Variants in WDFY2 observed in about 807,000 individuals in gnomAD.
WDFY2 encodes WD repeat and FYVE domain containing 2, also known as WD repeat and FYVE domain-containing protein 2.
In WDFY2, 36 loss-of-function variants were observed where a neutral mutation model predicts 56.4. The ratio of observed to expected loss-of-function variants is 0.64; its 90% confidence interval spans 0.49 to 0.84. WDFY2 has a LOEUF of 0.84. WDFY2 is among the 40% of genes least tolerant of loss of function. The probability of loss-of-function intolerance (pLI) is 0.00; values close to 1 mark genes in which losing one functional copy is unlikely to be tolerated. For synonymous variants in WDFY2, 176 were observed against 183.7 expected, an observed-to-expected ratio of 0.96 and a Z score of 0.34; for missense variants, 444 against 512.2, an observed-to-expected ratio of 0.87 and a Z score of 1.29.
intron 1 of WDFY2, among the ~76,000 whole-genome samples, chr13:51,629,293 G>A (rs1443012666): frequency 6.6e-6 from 1 of 152,154 alleles, no homozygotes; most frequent in Non-Finnish European, 1.5e-5. Flanking sequence ...GAATGCAGAT[G>A]GTTACTGGTA....
intron 9 of WDFY2, 27 bp downstream of exon 9, chr13:51,755,486 A>G: frequency 6.3e-7 from 1 of 1,596,862 alleles, no homozygotes. Flanking sequence ...CTTCATCAAA[A>G]TGTAATTATA....
rs1185702959 is a variant in WDFY2, at chr13:51,584,692, C to A, written c.5C>A (p.Ala2Glu). Reference protein sequence around the residue: MAAEIQPKPLTR... With the variant: MEAEIQPKPLTR... ...CCAGGCGCGCCCCCTCCTCCGATGGCGGCGGAGATCCAGCCCAAGCCTCTG... is the reference window on the plus strand; with the variant it reads ...CCAGGCGCGCCCCCTCCTCCGATGGAGGCGGAGATCCAGCCCAAGCCTCTG... Residue 2 changes from alanine (A) to glutamate (E), a missense_variant, in exon 1 of 12, where the codon GCG becomes GAG. By Grantham distance (107) the Ala-to-Glu change is moderately radical. Transcript: ENST00000298125. The A allele has an allele frequency of 1.9e-6, 3 of 1,610,948 alleles. No individual in the cohort carries two copies. The highest frequency in any genetic ancestry group is 1.1e-5 in the South Asian group (1 of 90,954).
chr13:51,722,248 C>A (rs1263431115), intron 5 of WDFY2, among the ~76,000 whole-genome samples: 1 of 152,086 alleles, frequency 6.6e-6, no homozygotes, highest in African/African-American at 2.4e-5. Context: ...AAGTGACAGA[C>A]TAAATCAGAT....
At chr13:51,732,757 A>G (rs1481945545) in intron 6 of WDFY2, among the ~76,000 whole-genome samples, 1 of 152,244 alleles carries the variant, frequency 6.6e-6, no homozygotes, top group East Asian at 1.9e-4. Flanking sequence ...GTGCAGGTCA[A>G]GAGATGTGAA....
At chr13:51,610,208 T>G (rs980975775) in intron 1 of WDFY2, among the ~76,000 whole-genome samples, 1 of 151,806 alleles carries the variant, frequency 6.6e-6, no homozygotes, top group Non-Finnish European at 1.5e-5. Flanking sequence ...AGTTATCATC[T>G]TTGCTGATTT....
intron 6 of WDFY2, among the ~76,000 whole-genome samples, chr13:51,733,777 A>G (rs757588258): frequency 2.6e-5 from 4 of 152,158 alleles, no homozygotes; most frequent in Non-Finnish European, 5.9e-5. Flanking sequence ...GTGACTCCCA[A>G]GGCTTCTGTC....
At chr13:51,622,156 C>A (rs781500090) in intron 1 of WDFY2, among the ~76,000 whole-genome samples, 2 of 152,162 alleles carry the variant, frequency 1.3e-5, no homozygotes, top group African/African-American at 2.4e-5. Context: ...CACATTTGTG[C>A]TGTGATTGCT....
At chr13:51,615,655 A>G (rs1954597135) in intron 1 of WDFY2, among the ~76,000 whole-genome samples, 1 of 152,266 alleles carries the variant, frequency 6.6e-6, no homozygotes. Flanking sequence ...CAGTAGGGAC[A>G]TGGTTAAATA....
chr13:51,694,459 A>T (rs1188324161), intron 3 of WDFY2, among the ~76,000 whole-genome samples: 1 of 152,180 alleles, frequency 6.6e-6, no homozygotes, highest in Non-Finnish European at 1.5e-5. Flanking sequence ...GTTTGGCTGG[A>T]TATGAAATTC....
At position 51,670,234 on chromosome 13, in the gene WDFY2, A is replaced by G. The variant is rs200263831; in HGVS notation, c.206-4936A>G. On this transcript the variant is annotated intron_variant, in intron 2 of 11. Transcript: ENST00000298125. ...CCCATTTTGTATGGGCCACAGCACT[A>G]GTTTTTTTGCTTTTTTGTTAATTTC... Among the ~76,000 whole-genome samples the G allele has an allele frequency of 1.3e-4, 20 of 152,174 alleles. No homozygotes were observed. In the East Asian group the frequency reaches 3.9e-3, roughly 29 times the overall value.
At chr13:51,630,964 C>T (rs1016863168) in intron 1 of WDFY2, among the ~76,000 whole-genome samples, 2 of 151,210 alleles carry the variant, frequency 1.3e-5, no homozygotes, top group South Asian at 2.1e-4. Context: ...ATTTTTAGTA[C>T]AGACGGGGTT....
intron 1 of WDFY2, among the ~76,000 whole-genome samples, chr13:51,596,696 C>T (rs1954157326): frequency 6.6e-6 from 1 of 152,144 alleles, no homozygotes; most frequent in South Asian, 2.1e-4. Flanking sequence ...CCAGAACATA[C>T]ACCACAACGA....
intron 1 of WDFY2, chr13:51,591,200 A>T (rs954019922): frequency 1.3e-5 from 2 of 152,234 alleles, no homozygotes; most frequent in African/African-American, 4.8e-5. Context: ...TCATCCTAAA[A>T]TCTCAAGTGG....
intron 6 of WDFY2, among the ~76,000 whole-genome samples, chr13:51,737,314 A>C (rs1017384250): frequency 1.3e-5 from 2 of 152,186 alleles, no homozygotes; most frequent in African/African-American, 4.8e-5. Flanking sequence ...ATTTAATCTA[A>C]TATTAACCCA....
rs1461181663 is a variant in WDFY2 at position 51,765,001 on chromosome 13, C to T, written c.*5232C>T. 1 of 152,256 alleles carries T rather than the reference C, an allele frequency of 6.6e-6. No homozygotes were observed. Among genetic ancestry groups the T allele is most frequent in the African/African-American group, 2.4e-5 (1 of 41,452 alleles). 9.4% of individuals were successfully genotyped at this position (152,256 alleles called of 1,614,324 possible). ...CACAGGCAGCTGCTGCCCTCCACTT[C>T]CTGCTCTTGCAAGTCACAGATGATT... is the stretch of plus-strand genomic sequence containing the variant. On this transcript the variant is annotated 3_prime_UTR_variant, in exon 12 of 12. Transcript: ENST00000298125.
chr13:51,657,077 C>G (rs1238427210), intron 1 of WDFY2, among the ~76,000 whole-genome samples: 2 of 151,920 alleles, frequency 1.3e-5, no homozygotes, highest in Non-Finnish European at 2.9e-5. Flanking sequence ...TTGCCTTCTT[C>G]TACGTTTGAT....
intron 3 of WDFY2, among the ~76,000 whole-genome samples, chr13:51,697,430 C>T (rs1377255296): frequency 6.6e-6 from 1 of 152,000 alleles, no homozygotes; most frequent in Admixed American, 6.6e-5. Context: ...CTCAGGAGTT[C>T]AAGAGCAGCC....
chr13:51,691,121 G>A (rs1364856943), intron 3 of WDFY2, among the ~76,000 whole-genome samples: 8 of 151,960 alleles, frequency 5.3e-5, no homozygotes, highest in South Asian at 4.2e-4. Context: ...AGTAGGTTGC[G>A]AAAATTTTCT....
At chr13:51,732,383 G>A (rs1040735219) in intron 6 of WDFY2, among the ~76,000 whole-genome samples, 1 of 152,182 alleles carries the variant, frequency 6.6e-6, no homozygotes, top group African/African-American at 2.4e-5. Flanking sequence ...GCCTCCCAAA[G>A]TGTTGGGATT....
Sources: gnomAD v4.1 joint callset for allele counts (sites outside exome capture counted in the v4.1 genomes callset) on GRCh38, gnomAD v4.1.1 for gene constraint, MANE v1.5 for transcripts, NCBI Gene and HGNC (gene_info 2026-07-23, HGNC 2026-07-21) for gene names.